The following RUNX1T1 variants were observed in gnomAD, a reference collection of about 807,000 sequenced individuals.
The protein encoded by RUNX1T1 is RUNX1 partner transcriptional co-repressor 1.
RUNX1T1 carries 4 observed loss-of-function variants against 62.8 expected under a neutral mutation model. The ratio of observed to expected loss-of-function variants is 0.06; its 90% CI spans 0.03 to 0.15. The LOEUF is 0.15. RUNX1T1 is among the 10% of genes least tolerant of loss of function. RUNX1T1 has a pLI of 1.00. For missense variants in RUNX1T1, 508 were observed against 754.3 expected, an observed-to-expected ratio of 0.67 and a Z score of 3.82; for synonymous variants, 291 against 286.0, an observed-to-expected ratio of 1.02 and a Z score of -0.18.
chr8:92,056,861 A>G (rs1831125723), intron 1 of RUNX1T1, among the ~76,000 whole-genome samples: 1 of 152,130 alleles, frequency 6.6e-6, no homozygotes, highest in South Asian at 2.1e-4. Flanking sequence ...AACACAGAAA[A>G]CCATCCATCT....
At chr8:92,082,977 G>C (rs1835515392) in intron 1 of RUNX1T1, among the ~76,000 whole-genome samples, 1 of 152,120 alleles carries the variant, frequency 6.6e-6, no homozygotes, top group African/African-American at 2.4e-5. Flanking sequence ...GGGAAAATCT[G>C]GAAGCCACTA....
At chr8:92,032,105 A>G (rs954936477) in intron 1 of RUNX1T1, among the ~76,000 whole-genome samples, 1 of 150,808 alleles carries the variant, frequency 6.6e-6, no homozygotes, top group Non-Finnish European at 1.5e-5. Context: ...AAAAAAAAAA[A>G]AAAAAAAAAA....
chr8:92,102,951 C>A (rs951009562), upstream of RUNX1T1: 67 of 1,483,512 alleles, frequency 4.5e-5, no homozygotes, highest in Non-Finnish European at 5.4e-5. The surrounding 1 kb of genome is among the most constrained non-coding windows in gnomAD (Gnocchi z 4.5). Flanking sequence ...GGCGACGGGG[C>A]GAGGACGCGG....
At chr8:91,983,090 G>A (rs991687550) in intron 8 of RUNX1T1, among the ~76,000 whole-genome samples, 1 of 150,582 alleles carries the variant, frequency 6.6e-6, no homozygotes. Flanking sequence ...ACCATGCCTG[G>A]CTAATTTTTT....
intron 5 of RUNX1T1, among the ~76,000 whole-genome samples, chr8:91,996,987 C>A (rs530915466): frequency 6.6e-6 from 1 of 151,022 alleles, no homozygotes; most frequent in South Asian, 2.1e-4. Context: ...ATTAGCCAGG[C>A]ATGGTGGAGC....
chr8:92,086,480 A>G (rs895944871), intron 1 of RUNX1T1, among the ~76,000 whole-genome samples: 1 of 152,202 alleles, frequency 6.6e-6, no homozygotes, highest in Admixed American at 6.5e-5. Flanking sequence ...GCCAAGTCCT[A>G]CAGTGGTAAA....
intron 1 of RUNX1T1, chr8:92,095,321 C>T: frequency 6.5e-7 from 1 of 1,529,352 alleles, no homozygotes; most frequent in South Asian, 1.2e-5. Flanking sequence ...CCCTGCTCGC[C>T]TCCCTCCCCT....
At chr8:92,095,617 A>G in intron 1 of RUNX1T1, 4 of 1,218,806 alleles carry the variant, frequency 3.3e-6, no homozygotes, top group South Asian at 3.9e-5. Flanking sequence ...GAAAAGTGGG[A>G]GAGAGAGAGA....
intron 1 of RUNX1T1, among the ~76,000 whole-genome samples, chr8:92,019,376 A>G (rs946317860): frequency 3.3e-5 from 5 of 152,134 alleles, no homozygotes; most frequent in African/African-American, 1.2e-4. Context: ...AGATACACAG[A>G]TTTGAAGCAC....
upstream of RUNX1T1, among the ~76,000 whole-genome samples, chr8:92,100,838 G>A (rs1172958134): frequency 1.3e-5 from 2 of 152,218 alleles, no homozygotes; most frequent in African/African-American, 4.8e-5. Flanking sequence ...ACACATCACA[G>A]CTGACATAAA....
At chr8:92,002,856 A>G (rs2130998482) in intron 5 of RUNX1T1, among the ~76,000 whole-genome samples, 1 of 152,350 alleles carries the variant, frequency 6.6e-6, no homozygotes, top group South Asian at 2.1e-4. Context: ...ACAGATAAAT[A>G]ACCAGAGAAG....
chr8:92,054,998 C>G (rs1394016955), intron 1 of RUNX1T1, among the ~76,000 whole-genome samples: 1 of 151,988 alleles, frequency 6.6e-6, no homozygotes, highest in African/African-American at 2.4e-5. Context: ...GAGTGAGACT[C>G]CGTCTCAAAA....
At chr8:92,031,475 T>G (rs554221969) in intron 1 of RUNX1T1, among the ~76,000 whole-genome samples, 7 of 142,344 alleles carry the variant, frequency 4.9e-5, no homozygotes, top group African/African-American at 1.9e-4. Flanking sequence ...TGTAAGCATG[T>G]GTGTTTGTTT....
intron 4 of RUNX1T1, among the ~76,000 whole-genome samples, chr8:92,008,776 T>C (rs1821374193): frequency 6.6e-6 from 1 of 152,198 alleles, no homozygotes; most frequent in Admixed American, 6.5e-5. Flanking sequence ...TGCACATTTA[T>C]TTGGCTATGT....
intron 1 of RUNX1T1, among the ~76,000 whole-genome samples, chr8:92,039,318 C>T (rs1473460670): frequency 2.6e-5 from 4 of 152,060 alleles, no homozygotes; most frequent in African/African-American, 7.2e-5. Flanking sequence ...AAAAGGCTAT[C>T]TTGACCCCTC....
chr8:92,089,845 GA>G (rs1478596826), intron 1 of RUNX1T1, among the ~76,000 whole-genome samples: 3 of 147,800 alleles, frequency 2.0e-5, no homozygotes, highest in African/African-American at 7.5e-5. Context: ...GAGAAGACTG[GA>G]ATGATAGTAA....
At chr8:91,976,442 C>T (rs914783384) in intron 8 of RUNX1T1, among the ~76,000 whole-genome samples, 54 of 152,080 alleles carry the variant, frequency 3.6e-4, no homozygotes, top group Non-Finnish European at 7.3e-4. Flanking sequence ...CTATGGCTAA[C>T]CAGTTCTCAT....
chr8:92,011,410 T>C (rs146672489), intron 3 of RUNX1T1, among the ~76,000 whole-genome samples: 1 of 152,338 alleles, frequency 6.6e-6, no homozygotes, highest in African/African-American at 2.4e-5. Context: ...ATTGCCTTTA[T>C]GGAAAACAAA....
upstream of RUNX1T1, among the ~76,000 whole-genome samples, chr8:92,102,255 T>G (rs1047036472): frequency 1.9e-4 from 29 of 151,760 alleles, no homozygotes; most frequent in Admixed American, 9.8e-4. The surrounding 1 kb of genome is among the most constrained non-coding windows in gnomAD (Gnocchi z 4.5). Context: ...CGGCCAGGAG[T>G]AACAAGGAAA....
Sources: allele counts gnomAD v4.1 joint callset (sites outside exome capture counted in the v4.1 genomes callset), GRCh38; gene constraint gnomAD v4.1.1; non-coding constraint Gnocchi (gnomAD v3.1); transcripts MANE v1.5; gene names NCBI Gene and HGNC (gene_info 2026-07-23, HGNC 2026-07-21).